Variants in SLC35F2 observed in about 807,000 individuals in gnomAD.
SLC35F2 encodes solute carrier family 35 member F2.
In SLC35F2, 25 loss-of-function variants were observed where a neutral mutation model predicts 38.1. The ratio of observed to expected loss-of-function variants is 0.66; its 90% confidence interval spans 0.48 to 0.92. The LOEUF is 0.92. SLC35F2 is among the 40% of genes least tolerant of loss of function. The pLI, the probability that SLC35F2 is intolerant of heterozygous loss-of-function variation, is 0.00. For missense variants in SLC35F2, 409 were observed against 452.9 expected (o/e 0.90, Z 0.88); for synonymous variants, 173 against 181.7 (o/e 0.95, Z 0.38).
At chr11:107,799,697 TCTC>T (rs1353732687) in intron 7 of SLC35F2, among the ~76,000 whole-genome samples, 3 of 151,848 alleles carry the variant, frequency 2.0e-5, no homozygotes, top group African/African-American at 7.3e-5. Flanking sequence ...TTCAAGTAAT[TCTC>T]CTGCTGGGAC....
intron 6 of SLC35F2, among the ~76,000 whole-genome samples, chr11:107,804,099 G>C (rs1354162294): frequency 6.6e-6 from 1 of 151,394 alleles, no homozygotes; most frequent in African/African-American, 2.4e-5. Context: ...GCCTCCCAAA[G>C]TGCTGGGATT....
chr11:107,833,558 G>C (rs1859884786), intron 1 of SLC35F2, among the ~76,000 whole-genome samples: 1 of 148,612 alleles, frequency 6.7e-6, no homozygotes, highest in African/African-American at 2.5e-5. Flanking sequence ...GAAATGGGTT[G>C]CCTAACTGAT....
At chr11:107,810,394 C>A (rs552452974) in intron 3 of SLC35F2, 23 of 984,832 alleles carry the variant, frequency 2.3e-5, no homozygotes, top group Non-Finnish European at 2.8e-5. Flanking sequence ...AACTTTTTAT[C>A]ATTAGTTAGA....
chr11:107,852,266 T>C (rs2134864219), intron 1 of SLC35F2, among the ~76,000 whole-genome samples: 1 of 151,962 alleles, frequency 6.6e-6, no homozygotes, highest in East Asian at 1.9e-4. Context: ...AAAAACACAA[T>C]ATTGGCTGGG....
chr11:107,803,325 G>C, intron 6 of SLC35F2, 170 bp from the exon 7 acceptor site: 1 of 983,988 alleles, frequency 1.0e-6, no homozygotes, highest in East Asian at 1.1e-4. Context: ...CTCGAAAAAA[G>C]AATATAAATA....
rs565868167 is a variant in SLC35F2 at position 107,853,941 on chromosome 11, G to A, written c.110+4717C>T. Among the ~76,000 whole-genome samples the A allele has an allele frequency of 3.3e-5, 5 of 152,106 alleles. No homozygotes were observed. The South Asian group carries it at 1.0e-3, about 32-fold the overall frequency. On this transcript the variant is annotated intron_variant, in intron 1 of 7. Transcript: ENST00000525815. ...GTTTTTAAAATATATGAATAGGCCT[G>A]GTGCAGTGACTCATGCCTGTGATCC...
intron 1 of SLC35F2, among the ~76,000 whole-genome samples, chr11:107,851,709 G>C (rs1860189945): frequency 1.3e-5 from 2 of 151,912 alleles, no homozygotes; most frequent in African/African-American, 4.8e-5. Flanking sequence ...AATATACAAT[G>C]GCCATAACTA....
intron 7 of SLC35F2, among the ~76,000 whole-genome samples, chr11:107,800,124 G>A (rs1048714912): frequency 6.6e-6 from 1 of 151,882 alleles, no homozygotes; most frequent in Non-Finnish European, 1.5e-5. Flanking sequence ...TCCTGACCTC[G>A]TGATCCGCCC....
At chr11:107,805,877 C>A (rs557995291) in intron 4 of SLC35F2, among the ~76,000 whole-genome samples, 2 of 152,292 alleles carry the variant, frequency 1.3e-5, no homozygotes, top group South Asian at 4.1e-4. Context: ...AACTCCTGAC[C>A]TCAAGTGATC....
At chr11:107,838,627 CTT>C (rs71047631) in intron 1 of SLC35F2, among the ~76,000 whole-genome samples, 13,207 of 108,042 alleles carry the variant, frequency 0.12, 937 homozygotes, top group African/African-American at 0.26. Flanking sequence ...GCCCGGCCCT[CTT>C]TTTTTTTTTT....
rs373481843 is a variant in SLC35F2, at chr11:107,805,672, A to ATGTGTG, written c.575-163_575-158dup. On this transcript the variant is annotated intron_variant, in intron 4 of 7. Transcript: ENST00000525815. ...TATGTGTGAGAGTGTGTGTGTGTGTATGTGTGTGTGTGTATGTGTGTGTTT... is the reference window on the plus strand; with the variant it reads ...TATGTGTGAGAGTGTGTGTGTGTGTATGTGTGTGTGTGTGTGTGTATGTGTGTGTTT... 9.7e-6 allele frequency: 9 copies of ATGTGTG among 930,188 alleles called. No individual in the cohort carries two copies. The South Asian group carries it at 2.9e-4, about 30-fold the overall frequency. 57.6% of individuals were successfully genotyped at this position (930,188 alleles called of 1,614,324 possible). A position where few individuals can be genotyped will look rare whatever the true frequency, so the allele number is the denominator to read the frequency against.
intron 1 of SLC35F2, chr11:107,821,595 G>T: frequency 1.0e-6 from 1 of 985,388 alleles, no homozygotes; most frequent in Non-Finnish European, 1.2e-6. Flanking sequence ...TTTGTACAAG[G>T]TCCTGGTTCA....
intron 1 of SLC35F2, among the ~76,000 whole-genome samples, chr11:107,854,278 A>C (rs1225520596): frequency 6.6e-6 from 1 of 151,144 alleles, no homozygotes; most frequent in Non-Finnish European, 1.5e-5. Context: ...CGGAAAAAAA[A>C]AAAAAACTAG....
intron 1 of SLC35F2, among the ~76,000 whole-genome samples, chr11:107,828,172 C>A (rs959982563): frequency 6.6e-6 from 1 of 152,212 alleles, no homozygotes. Context: ...CACAGTGGCT[C>A]AGGCCTGTAA....
intron 1 of SLC35F2, among the ~76,000 whole-genome samples, chr11:107,830,083 A>G (rs1859814101): frequency 6.6e-6 from 1 of 152,128 alleles, no homozygotes; most frequent in African/African-American, 2.4e-5. Context: ...GCAAAATAGC[A>G]AGACCTCATC....
At chr11:107,801,663 C>T (rs1455652930) in intron 7 of SLC35F2, among the ~76,000 whole-genome samples, 1 of 151,220 alleles carries the variant, frequency 6.6e-6, no homozygotes, top group African/African-American at 2.4e-5. Context: ...AACTGCTAAA[C>T]TGCTGCCCTA....
At chr11:107,850,623 ACCAGCCTGG>A (rs1418779894) in intron 1 of SLC35F2, among the ~76,000 whole-genome samples, 2 of 151,986 alleles carry the variant, frequency 1.3e-5, no homozygotes, top group Non-Finnish European at 2.9e-5. Context: ...GGAGTTCGAG[ACCAGCCTGG>A]CCAACATGGT....
At chr11:107,802,623 C>G (rs7108736) in intron 7 of SLC35F2, among the ~76,000 whole-genome samples, 22,873 of 152,182 alleles carry the variant, frequency 0.15, 2,776 homozygotes, top group East Asian at 0.42. Context: ...CTTTTTGTCT[C>G]TATACCAAGG....
At chr11:107,827,132 T>A (rs1859764768) in intron 1 of SLC35F2, among the ~76,000 whole-genome samples, 1 of 152,216 alleles carries the variant, frequency 6.6e-6, no homozygotes, top group African/African-American at 2.4e-5. Flanking sequence ...AAAAACCTTA[T>A]AGTTTTGAAC....
Sources: gnomAD v4.1 joint callset for allele counts (sites outside exome capture counted in the v4.1 genomes callset) on GRCh38, gnomAD v4.1.1 for gene constraint, MANE v1.5 for transcripts, NCBI Gene and HGNC (gene_info 2026-07-23, HGNC 2026-07-21) for gene names.